MYO1F: variants seen among roughly 807,000 people sequenced by gnomAD.
The protein encoded by MYO1F is unconventional myosin-If.
A neutral mutation model predicts 146.6 loss-of-function variants in MYO1F; 60 were observed. That is an observed-to-expected ratio of 0.41 (90% CI 0.33 to 0.51). MYO1F has a LOEUF of 0.51. MYO1F is among the 20% of genes least tolerant of loss of function. The pLI, the probability that MYO1F is intolerant of heterozygous loss-of-function variation, is 0.25. For synonymous variants in MYO1F, 602 were observed against 602.1 expected, an observed-to-expected ratio of 1.00 and a Z score of 0.00; for missense variants, 1,274 against 1,534.3, an observed-to-expected ratio of 0.83 and a Z score of 2.83.
chr19:8,534,604 C>G (rs1023224918), intron 19 of MYO1F, among the ~76,000 whole-genome samples: 3 of 151,524 alleles, frequency 2.0e-5, no homozygotes, highest in African/African-American at 7.3e-5. Flanking sequence ...CCGTGCCTGG[C>G]CTTTTCTTCT....
At chr19:8,534,688 C>T (rs1187570657) in intron 19 of MYO1F, among the ~76,000 whole-genome samples, 10 of 151,480 alleles carry the variant, frequency 6.6e-5, no homozygotes, top group South Asian at 4.2e-4. Flanking sequence ...TGCAGTGGTG[C>T]GATCTCGGCT....
At position 8,541,979 on chromosome 19, in the gene MYO1F, C is replaced by T. The variant is rs373165252; in HGVS notation, c.1537G>A (p.Val513Ile). The change falls in exon 15 of 28, where the codon GTC (valine) becomes ATC (isoleucine). Residue 513 changes from valine to isoleucine, a missense_variant. By Grantham distance (29) the Val-to-Ile change is conservative. Transcript: ENST00000644032. Reference sequence around the variant, plus strand: ...CGGTTCCTCTCGCAGAAGCCGCTGACGTCGTAGGAGACCTGGAGGGGACAG... The same window carrying T: ...CGGTTCCTCTCGCAGAAGCCGCTGATGTCGTAGGAGACCTGGAGGGGACAG... ...HHYAGKVSYDVSGFCERNRDV... is the reference protein window; with the variant it reads ...HHYAGKVSYDISGFCERNRDV... 9.3e-6 allele frequency: 15 copies of T among 1,613,022 alleles called. No individual in the cohort carries two copies. The African/African-American group carries it at 9.3e-5, about 10-fold the overall frequency.
In MYO1F at chr19:8,521,502, G is replaced by A; in HGVS notation, c.*26C>T. ...CCGGCAGGCAGATAGGCGGGCGAAA[G>A]AGAAGGCAGTATCCCAGGGCCCAGC... On this transcript the variant is annotated 3_prime_UTR_variant, in exon 28 of 28. Transcript: ENST00000644032. The A allele has an allele frequency of 6.2e-7, 1 of 1,608,106 alleles. No homozygotes were observed.
Position 8,553,365 on chromosome 19 carries a change from T to G in MYO1F, c.399A>C (p.Gly133=). 1 of 1,614,102 alleles carries G rather than the reference T, an allele frequency of 6.2e-7. No homozygotes were observed. Among genetic ancestry groups the G allele is most frequent in the Non-Finnish European group, 8.5e-7 (1 of 1,180,014 alleles). Residue 133 remains glycine, a synonymous_variant, in exon 5 of 28, where the codon GGA becomes GGC. Transcript: ENST00000644032. ...CTCGTCTCACCTGGACCTTCTCGCC[T>G]CCGCCAGACACCTTGGAGATGTAGC... The part of the protein sequence containing the change: ...IMGYISKVSG[G]GEKVQHVKDI...
chr19:8,526,752 C>T, intron 23 of MYO1F, 37 bp downstream of exon 23: 2 of 1,579,308 alleles, frequency 1.3e-6, no homozygotes, highest in Non-Finnish European at 1.7e-6. Flanking sequence ...CGCGCCGAGA[C>T]CACCCCGAGA....
intron 1 of MYO1F, among the ~76,000 whole-genome samples, chr19:8,561,757 G>A (rs1243622489): frequency 1.4e-5 from 2 of 146,444 alleles, no homozygotes; most frequent in African/African-American, 2.5e-5. Flanking sequence ...CGCTCTGTTG[G>A]CCAGGCTGGA....
chr19:8,571,042 G>A (rs1231779579), intron 1 of MYO1F, among the ~76,000 whole-genome samples: 1 of 152,214 alleles, frequency 6.6e-6, no homozygotes, highest in Admixed American at 6.5e-5. Context: ...CTGGCCAGGA[G>A]GAAGGGCTGG....
At position 8,543,509 on chromosome 19, in the gene MYO1F, G is replaced by A. The variant is rs146733137; in HGVS notation, c.1524+788C>T. ...CACATTGGGGCTTATCTGAACATAG[G>A]CAGTCTGGTACCCAAGCTGGTGTTA... On this transcript the variant is annotated intron_variant, in intron 14 of 27. Transcript: ENST00000644032. Among the ~76,000 whole-genome samples, 7 of 152,074 alleles carry A rather than the reference G, an allele frequency of 4.6e-5. No individual in the cohort carries two copies. In the South Asian group the frequency reaches 1.0e-3, roughly 23 times the overall value.
chr19:8,555,019 A>G (rs1270301816), intron 2 of MYO1F, among the ~76,000 whole-genome samples: 3 of 151,938 alleles, frequency 2.0e-5, no homozygotes, highest in Non-Finnish European at 4.4e-5. Context: ...CCTTGTCTCC[A>G]CTAATAATAC....
chr19:8,574,609 CTTT>C (rs782662425), intron 1 of MYO1F, among the ~76,000 whole-genome samples: 9,836 of 61,506 alleles, frequency 0.16, 537 homozygotes, highest in East Asian at 0.25. Context: ...TTCTTTCTTT[CTTT>C]CTTTCTTTCT....
chr19:8,563,675 A>AT (rs978357366), intron 1 of MYO1F, among the ~76,000 whole-genome samples: 31 of 150,314 alleles, frequency 2.1e-4, no homozygotes, highest in African/African-American at 2.7e-4. Context: ...CGCCCAGCTA[A>AT]TTTTTTTTGT....
intron 1 of MYO1F, among the ~76,000 whole-genome samples, chr19:8,560,335 A>G (rs1974034019): frequency 6.6e-6 from 1 of 151,554 alleles, no homozygotes; most frequent in Admixed American, 6.6e-5. Context: ...ATACAAAAAA[A>G]GTAGCCGGGT....
intron 2 of MYO1F, 189 bp downstream of exon 2, chr19:8,555,470 A>G: frequency 3.1e-6 from 2 of 639,228 alleles, no homozygotes; most frequent in Non-Finnish European, 5.4e-6. Context: ...CTTCCCCAGG[A>G]CAGAGGGAGC....
intron 8 of MYO1F, among the ~76,000 whole-genome samples, 164 bp from the exon 9 acceptor site, chr19:8,550,858 C>T (rs948602445): frequency 3.9e-5 from 6 of 152,124 alleles, no homozygotes; most frequent in African/African-American, 1.4e-4. Flanking sequence ...TAAGTGCCTG[C>T]ACCTCTCTGG....
intron 1 of MYO1F, 70 bp from the exon 2 acceptor site, chr19:8,555,866 C>T: frequency 6.7e-7 from 1 of 1,490,068 alleles, no homozygotes; most frequent in Non-Finnish European, 9.1e-7. Context: ...CCGACGCTAT[C>T]AGCTTCTGGG....
At chr19:8,567,373 C>G (rs2042024350) in intron 1 of MYO1F, among the ~76,000 whole-genome samples, 1 of 150,654 alleles carries the variant, frequency 6.6e-6, no homozygotes, top group Non-Finnish European at 1.5e-5. Context: ...CCCACTGGGT[C>G]TATTTTTTTT....
At chr19:8,551,444 C>T (rs1177494656) in intron 8 of MYO1F, 3 of 329,846 alleles carry the variant, frequency 9.1e-6, no homozygotes, top group South Asian at 2.9e-5. Context: ...TTCCACCTCC[C>T]GTTTTCAAGC....
At chr19:8,532,573 A>G (rs1457467376) in intron 19 of MYO1F, among the ~76,000 whole-genome samples, 1 of 152,172 alleles carries the variant, frequency 6.6e-6, no homozygotes, top group Non-Finnish European at 1.5e-5. Context: ...CAATATTGTC[A>G]ATTAGTGAAG....
At chr19:8,568,009 C>T (rs909230629) in intron 1 of MYO1F, among the ~76,000 whole-genome samples, 1 of 152,212 alleles carries the variant, frequency 6.6e-6, no homozygotes, top group Non-Finnish European at 1.5e-5. Context: ...GGTTCCTCTT[C>T]CTGCCCTTCC....
Sources: allele counts gnomAD v4.1 joint callset (sites outside exome capture counted in the v4.1 genomes callset), GRCh38; gene constraint gnomAD v4.1.1; transcripts MANE v1.5; gene names NCBI Gene and HGNC (gene_info 2026-07-23, HGNC 2026-07-21).